ADARB1: variants seen among roughly 807,000 people sequenced by gnomAD.
ADARB1 encodes double-stranded RNA-specific editase 1.
Under a neutral mutation model 52.4 loss-of-function variants are expected in ADARB1, and 10 were observed. The ratio of observed to expected loss-of-function variants is 0.19; its 90% CI spans 0.12 to 0.32. ADARB1 has a LOEUF of 0.32. ADARB1 is among the 10% of genes least tolerant of loss of function. The pLI, the probability that ADARB1 is intolerant of heterozygous loss-of-function variation, is 1.00. For missense variants in ADARB1, 643 were observed against 922.3 expected, an observed-to-expected ratio of 0.70 and a Z score of 3.92; for synonymous variants, 349 against 371.1, an observed-to-expected ratio of 0.94 and a Z score of 0.68.
chr21:45,082,266 C>T (rs753034352), intron 1 of ADARB1, among the ~76,000 whole-genome samples: 74 of 152,164 alleles, frequency 4.9e-4, no homozygotes, highest in African/African-American at 1.7e-3. Flanking sequence ...TCTCAACTTA[C>T]GATGAGGTTC....
intron 2 of ADARB1, among the ~76,000 whole-genome samples, chr21:45,170,373 A>G (rs1273738613): frequency 1.3e-5 from 2 of 152,246 alleles, no homozygotes; most frequent in Non-Finnish European, 2.9e-5. Context: ...TATCTAGCAC[A>G]AGTGCTTTGC....
chr21:45,108,228 C>G (rs941436755), intron 1 of ADARB1, among the ~76,000 whole-genome samples: 1 of 152,164 alleles, frequency 6.6e-6, no homozygotes, highest in Non-Finnish European at 1.5e-5. Flanking sequence ...TATGAACAGA[C>G]ACATATGCAC....
intron 2 of ADARB1, among the ~76,000 whole-genome samples, chr21:45,171,408 T>G (rs1327623802): frequency 6.6e-6 from 1 of 152,210 alleles, no homozygotes; most frequent in Admixed American, 6.5e-5. Flanking sequence ...ACGCGAGAAG[T>G]CTTTTGCTGG....
In ADARB1 at chr21:45,157,874, A is replaced by G. The variant is rs150421595; in HGVS notation, c.-47-13736A>G. Among the ~76,000 whole-genome samples the G allele has an allele frequency of 4.6e-5, 7 of 152,274 alleles. No homozygotes were observed. Among genetic ancestry groups the G allele is most frequent in the Non-Finnish European group, 1.0e-4 (7 of 68,014 alleles). On this transcript the variant is annotated intron_variant, in intron 2 of 10. Coordinates refer to ENST00000348831, the MANE Select transcript of ADARB1 (RefSeq NM_001112.4). This position sits in a 1 kb window ranked among gnomAD's most constrained non-coding sequence, Gnocchi z 4.1. ...CCTGGCAGTTGCTTCTAGTCCAGCA[A>G]TAGAAAGGTGAGAAAGAATACAGAG...
At position 45,158,343 on chromosome 21, in the gene ADARB1, G is replaced by A. The variant is rs117686454; in HGVS notation, c.-47-13267G>A. The stretch of plus-strand genomic sequence containing the variant: ...GCCTCCAGAGTCCCATCTGAAGAGG[G>A]TATCAGTGTAGAACACAGTGAGGCA... On this transcript the variant is annotated intron_variant, in intron 2 of 10. Coordinates refer to ENST00000348831, the MANE Select transcript of ADARB1 (RefSeq NM_001112.4). 2.6e-3 allele frequency among the ~76,000 whole-genome samples: 391 copies of A among 152,320 alleles called. 1 individual carries two copies. The highest frequency in any genetic ancestry group is 4.4e-3 in the Non-Finnish European group (301 of 68,030).
At chr21:45,196,309 C>CA (rs903567088) in intron 8 of ADARB1, among the ~76,000 whole-genome samples, 4 of 148,880 alleles carry the variant, frequency 2.7e-5, no homozygotes, top group East Asian at 3.9e-4. Flanking sequence ...AAAAAAAAAG[C>CA]AAAAAAAATC....
intron 1 of ADARB1, among the ~76,000 whole-genome samples, chr21:45,101,340 C>T (rs1358440653): frequency 2.6e-5 from 4 of 152,208 alleles, no homozygotes; most frequent in African/African-American, 7.2e-5. Flanking sequence ...AGCTGCCCAG[C>T]GGGCTTTAGC....
intron 1 of ADARB1, among the ~76,000 whole-genome samples, chr21:45,117,669 A>G (rs2087908942): frequency 6.6e-6 from 1 of 152,174 alleles, no homozygotes; most frequent in South Asian, 2.1e-4. Flanking sequence ...ATTCTGTCCT[A>G]TAGATGTACT....
At chr21:45,079,199 A>G (rs1427083370) in intron 1 of ADARB1, among the ~76,000 whole-genome samples, 3 of 152,262 alleles carry the variant, frequency 2.0e-5, no homozygotes, top group Non-Finnish European at 2.9e-5. Context: ...AAGTTGCATC[A>G]TCATTTCTTA....
chr21:45,077,417 G>A (rs929081293), intron 1 of ADARB1, among the ~76,000 whole-genome samples: 9 of 152,178 alleles, frequency 5.9e-5, no homozygotes, highest in African/African-American at 2.2e-4. Flanking sequence ...TGTAATCCCA[G>A]CACTTTGGGA....
rs574977700 is a variant in ADARB1, at chr21:45,180,397, C to A, written c.1031C>A (p.Ser344Tyr). 1.2e-6 allele frequency: 2 copies of A among 1,614,178 alleles called. No individual in the cohort carries two copies. The highest frequency in any genetic ancestry group is 2.2e-5 in the South Asian group (2 of 91,082). Residue 344 changes from serine to tyrosine, a missense_variant, in exon 5 of 11, where the codon TCC becomes TAC. Ser to Tyr is a moderately radical substitution (Grantham distance 144). This residue lies in a region of ADARB1 where 380 missense variants were observed against 446.5 expected (regional missense o/e 0.85). Transcript: ENST00000348831. Reference protein sequence around the residue: ...KFGDLTDNFSSPHARRKVLAG... With the variant: ...KFGDLTDNFSYPHARRKVLAG... ...GGTGACCTGACCGACAACTTCTCCT[C>A]CCCTCACGCTCGCAGAAAAGTGCTG...
At chr21:45,171,785 T>C in intron 3 of ADARB1, 101 bp downstream of exon 3, 2 of 1,106,936 alleles carry the variant, frequency 1.8e-6, no homozygotes, top group Admixed American at 2.5e-5. Context: ...GGGGATTGTG[T>C]TTTTTCCCGT....
chr21:45,132,647 T>C (rs2089025706), intron 2 of ADARB1, among the ~76,000 whole-genome samples: 1 of 152,198 alleles, frequency 6.6e-6, no homozygotes, highest in Non-Finnish European at 1.5e-5. Context: ...CACTTTCAGA[T>C]GTGACACTCC....
At chr21:45,181,316 C>T (rs960106527) in intron 5 of ADARB1, among the ~76,000 whole-genome samples, 1 of 152,208 alleles carries the variant, frequency 6.6e-6, no homozygotes, top group Non-Finnish European at 1.5e-5. Context: ...CCTCTTGCTG[C>T]CCTAGGAAAC....
intron 1 of ADARB1, among the ~76,000 whole-genome samples, chr21:45,127,445 C>G (rs1283747914): frequency 6.6e-6 from 1 of 152,164 alleles, no homozygotes; most frequent in African/African-American, 2.4e-5. Context: ...TAGTGCAGGA[C>G]ACAGGTGAGC....
At chr21:45,108,143 C>G (rs2087343065) in intron 1 of ADARB1, among the ~76,000 whole-genome samples, 1 of 152,080 alleles carries the variant, frequency 6.6e-6, no homozygotes, top group Non-Finnish European at 1.5e-5. Flanking sequence ...TGTGTGAAAA[C>G]CTTTGTAGCA....
At chr21:45,219,728 A>C (rs190779640) in intron 9 of ADARB1, among the ~76,000 whole-genome samples, 1 of 152,140 alleles carries the variant, frequency 6.6e-6, no homozygotes, top group Non-Finnish European at 1.5e-5. Flanking sequence ...ACCCTCACAC[A>C]CTTGCCCTTG....
At chr21:45,196,947 C>T (rs73386704) in intron 8 of ADARB1, among the ~76,000 whole-genome samples, 3,841 of 152,258 alleles carry the variant, frequency 0.025, 155 homozygotes, top group African/African-American at 0.088. Context: ...TTAATTCCAG[C>T]ACTTTGGGCC....
At chr21:45,132,561 TGTG>T (rs2089018611) in intron 2 of ADARB1, among the ~76,000 whole-genome samples, 2 of 152,136 alleles carry the variant, frequency 1.3e-5, no homozygotes, top group South Asian at 4.1e-4. Context: ...CCTGCTACCT[TGTG>T]GGGGCTGGGT....
Sources: allele counts gnomAD v4.1 joint callset (sites outside exome capture counted in the v4.1 genomes callset), GRCh38; gene constraint gnomAD v4.1.1; regional missense constraint gnomAD v4.1.1; non-coding constraint Gnocchi (gnomAD v3.1); transcripts MANE v1.5; gene names NCBI Gene and HGNC (gene_info 2026-07-23, HGNC 2026-07-21).